The following GATAD1 variants were observed in gnomAD, a reference collection of about 807,000 sequenced individuals.
GATAD1 encodes GATA zinc finger domain containing 1.
A neutral mutation model predicts 26.5 loss-of-function variants in GATAD1; 12 were observed. That is an observed-to-expected ratio of 0.45 (90% CI 0.29 to 0.73). The LOEUF (loss-of-function observed/expected upper bound fraction) is 0.73. Among genes scored for constraint, GATAD1 ranks in the 30% least tolerant of loss-of-function variants. The pLI, the probability that GATAD1 is intolerant of heterozygous loss-of-function variation, is 0.10. For missense variants in GATAD1, 266 were observed against 342.1 expected (o/e 0.78, Z 1.75); for synonymous variants, 129 against 133.1 (o/e 0.97, Z 0.21).
At chr7:92,456,322 G>GAT (rs1789668714) in intron 4 of GATAD1, 50 bp from the exon 5 acceptor site, 2 of 1,247,060 alleles carry the variant, frequency 1.6e-6, no homozygotes, top group African/African-American at 3.0e-5. Flanking sequence ...TTATGAAAAT[G>GAT]ATATATATGG....
the GATAD1 span, chr7:92,494,389 A>G: frequency 2.5e-6 from 4 of 1,613,850 alleles, no homozygotes; most frequent in Non-Finnish European, 3.4e-6. Context: ...CAGCCAATAC[A>G]TAAACACCTA....
chr7:92,486,224 C>T, the GATAD1 span, among the ~76,000 whole-genome samples: 127 of 152,316 alleles, frequency 8.3e-4, no homozygotes, highest in African/African-American at 3.0e-3. Context: ...CCAAGTCTGA[C>T]GGCAGGTTGA....
chr7:92,489,725 T>A, the GATAD1 span: 1 of 1,613,952 alleles, frequency 6.2e-7, no homozygotes, highest in Non-Finnish European at 8.5e-7. Context: ...CCACTTTGGC[T>A]CCGGTATCTG....
the GATAD1 span, chr7:92,489,665 C>G: frequency 1.3e-6 from 2 of 1,527,982 alleles, no homozygotes; most frequent in South Asian, 2.3e-5. Context: ...AAGGGTGAAA[C>G]AATTTTTAAG....
intron 2 of GATAD1, chr7:92,449,671 TTC>T: frequency 1.1e-6 from 1 of 922,822 alleles, no homozygotes; most frequent in Non-Finnish European, 1.3e-6. Context: ...GCAGACTATT[TTC>T]TTTTTTTTTT....
chr7:92,456,000 G>A (rs1789654055), intron 4 of GATAD1, among the ~76,000 whole-genome samples: 1 of 152,188 alleles, frequency 6.6e-6, no homozygotes, highest in Admixed American at 6.5e-5. Context: ...TACCGGCCAT[G>A]TGACTTTGGC....
In GATAD1 at chr7:92,458,978, C is replaced by CT. The variant is rs1249745571; in HGVS notation, c.*2419dup. The CT allele has an allele frequency of 3.3e-5, 5 of 152,190 alleles. No homozygotes were observed. The highest frequency in any genetic ancestry group is 1.2e-4 in the African/African-American group (5 of 41,432). 9.4% of individuals were successfully genotyped at this position (152,190 alleles called of 1,614,324 possible). Reference sequence around the variant, plus strand: ...GTGGCTCACGCCTGTAATCCCAGCACTTTGGAAGGCTGAGGCAGGCGGATC... The same window carrying CT: ...GTGGCTCACGCCTGTAATCCCAGCACTTTTGGAAGGCTGAGGCAGGCGGATC... On this transcript the variant is annotated 3_prime_UTR_variant, in exon 5 of 5. Transcript: ENST00000287957.
chr7:92,468,095 A>G, the GATAD1 span, among the ~76,000 whole-genome samples: 145 of 152,318 alleles, frequency 9.5e-4, no homozygotes, highest in Non-Finnish European at 1.4e-3. Flanking sequence ...TGAGTGTTAT[A>G]GCTCTATTAG....
chr7:92,487,544 GA>G, the GATAD1 span: 2 of 1,460,226 alleles, frequency 1.4e-6, no homozygotes, highest in Non-Finnish European at 1.9e-6. Context: ...TTTCATATCT[GA>G]AAAAAGAAAG....
rs1452053720 is a variant in GATAD1, at chr7:92,457,664, TATTA to T, written c.*1108_*1111del. On this transcript the variant is annotated 3_prime_UTR_variant, in exon 5 of 5. Coordinates refer to ENST00000287957, the MANE Select transcript of GATAD1 (RefSeq NM_021167.5). ...ATTGTATTTTTCTATAAGAACAAAATATTAATTAAGGTATAGATGACTGACCAAG... is the reference window on the plus strand; with the variant it reads ...ATTGTATTTTTCTATAAGAACAAAATATTAAGGTATAGATGACTGACCAAG... 2.6e-5 allele frequency: 4 copies of T among 152,204 alleles called. No individual in the cohort carries two copies. Among genetic ancestry groups the T allele is most frequent in the South Asian group, 2.1e-4 (1 of 4,836 alleles). The allele number at this position is 152,204 out of a possible 1,614,324, so 9.4% of individuals were successfully genotyped here. A position where few individuals can be genotyped will look rare whatever the true frequency, so the allele number is the denominator to read the frequency against.
chr7:92,492,191 T>C, the GATAD1 span, among the ~76,000 whole-genome samples: 1 of 152,284 alleles, frequency 6.6e-6, no homozygotes, highest in African/African-American at 2.4e-5. Flanking sequence ...CTGTCATCCA[T>C]GCTGGAGTGC....
chr7:92,454,558 G>A lies in GATAD1; in HGVS notation c.492G>A (p.Lys164=), dbSNP rs397517295. Residue 164 remains lysine (K), a synonymous_variant, in exon 4 of 5, where the codon AAG becomes AAA. Transcript: ENST00000287957. ...CTGTGATTGATGAACAAGATGGAAA[G>A]CCCTACTATGCTCAAATCAGAGGTT... ...VVSVIDEQDG[K]PYYAQIRGFI... The A allele has an allele frequency of 6.2e-7, 1 of 1,612,924 alleles. No homozygotes were observed. Among genetic ancestry groups the A allele is most frequent in the Non-Finnish European group, 8.5e-7 (1 of 1,178,874 alleles).
chr7:92,450,577 C>A, intron 2 of GATAD1, 124 bp from the exon 3 acceptor site: 1 of 581,040 alleles, frequency 1.7e-6, no homozygotes, highest in Non-Finnish European at 3.1e-6. Context: ...CTTTTTATTG[C>A]AGTTCTTGTC....
At position 92,447,631 on chromosome 7, in the gene GATAD1, TC is replaced by T; in HGVS notation, c.-97del. 1 of 1,313,370 alleles carries T rather than the reference TC, an allele frequency of 7.6e-7. No individual in the cohort carries two copies. The highest frequency in any genetic ancestry group is 9.7e-7 in the Non-Finnish European group (1 of 1,025,750). The allele number at this position is 1,313,370 out of a possible 1,614,324, so 81.4% of individuals were successfully genotyped here. A position where few individuals can be genotyped will look rare whatever the true frequency, so the allele number is the denominator to read the frequency against. On this transcript the variant is annotated 5_prime_UTR_variant, in exon 1 of 5. Coordinates refer to ENST00000287957, the MANE Select transcript of GATAD1 (RefSeq NM_021167.5). Reference sequence around the variant, plus strand: ...TCCGTGCCGACGCTCTCACCGCTCTTCCTATCGCCGGGAGTGGCGGGCCGAC... The same window carrying T: ...TCCGTGCCGACGCTCTCACCGCTCTTCTATCGCCGGGAGTGGCGGGCCGAC...
At chr7:92,473,832 C>T in the GATAD1 span, among the ~76,000 whole-genome samples, 3 of 152,104 alleles carry the variant, frequency 2.0e-5, no homozygotes, top group African/African-American at 7.2e-5. Context: ...CAAGCATACC[C>T]AGGGCTCTGT....
Position 92,447,991 on chromosome 7 carries a change from G to A in GATAD1, c.249+13G>A, listed in dbSNP as rs548757932. 1,343 of 1,212,580 alleles carry A rather than the reference G, an allele frequency of 1.1e-3. No individual in the cohort carries two copies. Among genetic ancestry groups the A allele is most frequent in the Non-Finnish European group, 1.3e-3 (1,241 of 975,904 alleles). The allele number at this position is 1,212,580 out of a possible 1,614,324, so 75.1% of individuals were successfully genotyped here. A position where few individuals can be genotyped will look rare whatever the true frequency, so the allele number is the denominator to read the frequency against. On this transcript the variant is annotated intron_variant, in intron 1 of 4. Transcript: ENST00000287957. ...GGGCGGCAAGCAGGTGAGCTCCTCC[G>A]GCCCCTCCCGCCGGCGGAGGCCGAC... is the stretch of plus-strand genomic sequence containing the variant.
intron 4 of GATAD1, 85 bp downstream of exon 4, chr7:92,454,770 C>A: frequency 1.1e-6 from 1 of 924,046 alleles, no homozygotes; most frequent in Non-Finnish European, 1.6e-6. Flanking sequence ...TCAGCTTGGG[C>A]TGTCAGGACA....
At chr7:92,475,216 G>A in the GATAD1 span, 4 of 152,044 alleles carry the variant, frequency 2.6e-5, no homozygotes, top group Admixed American at 6.6e-5. Flanking sequence ...AATATAAGTC[G>A]TTTCTTTCTT....
chr7:92,454,329 C>T, intron 3 of GATAD1, 173 bp from the exon 4 acceptor site: 2 of 592,944 alleles, frequency 3.4e-6, no homozygotes, highest in African/African-American at 1.9e-5. Context: ...AATTTTCATT[C>T]AAACGTGAAA....
Sources: allele counts gnomAD v4.1 joint callset (sites outside exome capture counted in the v4.1 genomes callset), GRCh38; gene constraint gnomAD v4.1.1; transcripts MANE v1.5; gene names NCBI Gene and HGNC (gene_info 2026-07-23, HGNC 2026-07-21).